TARS3: variants seen among roughly 807,000 people sequenced by gnomAD.
TARS3 encodes the protein threonyl-tRNA synthetase 3.
Under a neutral mutation model 103.5 loss-of-function variants are expected in TARS3, and 94 were observed. That is an observed-to-expected ratio of 0.91 (90% CI 0.77 to 1.08). The LOEUF is 1.08. Among genes scored for constraint, TARS3 ranks in the 50% least tolerant of loss-of-function variants. The pLI is 0.00. For missense variants in TARS3, 952 were observed against 995.2 expected, an observed-to-expected ratio of 0.96 and a Z score of 0.58; for synonymous variants, 416 against 355.4, an observed-to-expected ratio of 1.17 and a Z score of -1.92.
Position 101,724,290 on chromosome 15 carries a change from C to T in TARS3, c.98G>A (p.Arg33Lys). 6.4e-7 allele frequency: 1 copy of T among 1,573,940 alleles called. No individual in the cohort carries two copies. The highest frequency in any genetic ancestry group is 2.4e-5 in the East Asian group (1 of 41,940). Residue 33 changes from arginine (R) to lysine (K), a missense_variant, in exon 1 of 19, where the codon AGG becomes AAG. Arg to Lys is a conservative substitution (Grantham distance 26, BLOSUM62 2). This residue lies in a region of TARS3 where 412 missense variants were observed against 364.2 expected (regional missense o/e 1.13). Coordinates refer to ENST00000335968, the MANE Select transcript of TARS3 (RefSeq NM_152334.3). ...RWLWSEVERL[R>K]DEQLNAPYSC... ...GTAGGGCGCGTTCAGCTGCTCGTCC[C>T]TCAGGCGCTCGACCTCCGACCACAG...
At chr15:101,684,367 T>C in intron 11 of TARS3, 130 bp from the exon 12 acceptor site, 1 of 919,264 alleles carries the variant, frequency 1.1e-6, no homozygotes, top group Non-Finnish European at 1.5e-6. Flanking sequence ...GATCACCAGG[T>C]TAAAAAAAAA....
At chr15:101,654,867 C>G (rs1014914564) in intron 18 of TARS3, 137 bp from the exon 19 acceptor site, 9 of 829,444 alleles carry the variant, frequency 1.1e-5, no homozygotes, top group Non-Finnish European at 1.7e-5. Context: ...TTGGTTCATC[C>G]TCTGATAGTT....
At chr15:101,677,267 G>C (rs1264770969) in intron 12 of TARS3, among the ~76,000 whole-genome samples, 1 of 152,150 alleles carries the variant, frequency 6.6e-6, no homozygotes, top group Non-Finnish European at 1.5e-5. Context: ...CACCAATGTG[G>C]GTGGGCCTCA....
At chr15:101,701,920 C>T (rs969764720) in intron 9 of TARS3, among the ~76,000 whole-genome samples, 10 of 152,146 alleles carry the variant, frequency 6.6e-5, no homozygotes, top group African/African-American at 9.7e-5. Context: ...GGACTACAAG[C>T]GCGTGCTGCC....
At chr15:101,673,494 A>G (rs1312830379) in intron 13 of TARS3, among the ~76,000 whole-genome samples, 1 of 152,100 alleles carries the variant, frequency 6.6e-6, no homozygotes, top group African/African-American at 2.4e-5. Flanking sequence ...CATCACCACC[A>G]CCACCATCAC....
At chr15:101,691,370 C>T (rs1898716091) in intron 10 of TARS3, among the ~76,000 whole-genome samples, 1 of 151,946 alleles carries the variant, frequency 6.6e-6, no homozygotes, top group Non-Finnish European at 1.5e-5. Context: ...GCCTCTACCT[C>T]CTGGGTTCAA....
At chr15:101,698,382 A>T (rs1899089001) in intron 10 of TARS3, among the ~76,000 whole-genome samples, 1 of 150,518 alleles carries the variant, frequency 6.6e-6, no homozygotes, top group African/African-American at 2.5e-5. Context: ...TTTTTTTTTA[A>T]AAAAGAAAGC....
intron 16 of TARS3, among the ~76,000 whole-genome samples, chr15:101,659,367 T>A (rs773127569): frequency 6.6e-6 from 1 of 152,054 alleles, no homozygotes; most frequent in Non-Finnish European, 1.5e-5. Flanking sequence ...AAATACAGGG[T>A]ATATAATGGC....
chr15:101,695,392 C>T (rs1383793617), intron 10 of TARS3, among the ~76,000 whole-genome samples: 2 of 152,194 alleles, frequency 1.3e-5, no homozygotes, highest in Admixed American at 1.3e-4. Context: ...TAGTACGATG[C>T]TTTCGAGGTT....
At chr15:101,710,181 C>T (rs1252068690) in intron 5 of TARS3, among the ~76,000 whole-genome samples, 1 of 152,218 alleles carries the variant, frequency 6.6e-6, no homozygotes, top group African/African-American at 2.4e-5. Context: ...TTGTTGAACA[C>T]ATCCAGGTGC....
At chr15:101,701,285 T>TA in intron 9 of TARS3, 101 bp from the exon 10 acceptor site, 1 of 655,160 alleles carries the variant, frequency 1.5e-6, no homozygotes, top group Non-Finnish European at 2.5e-6. Context: ...TCTCTAGTAA[T>TA]AGACATTCCA....
chr15:101,659,051 C>T (rs1403113611), intron 16 of TARS3, among the ~76,000 whole-genome samples: 1 of 152,184 alleles, frequency 6.6e-6, no homozygotes, highest in African/African-American at 2.4e-5. Context: ...CTCGGCCTCC[C>T]AAAGGTTGGG....
intron 13 of TARS3, among the ~76,000 whole-genome samples, chr15:101,671,982 A>C (rs988712670): frequency 4.6e-5 from 7 of 152,198 alleles, no homozygotes; most frequent in African/African-American, 9.7e-5. Flanking sequence ...GATCATTTAT[A>C]AATTGTTCCA....
intron 9 of TARS3, among the ~76,000 whole-genome samples, chr15:101,701,583 A>G (rs1596316576): frequency 6.6e-6 from 1 of 152,282 alleles, no homozygotes; most frequent in East Asian, 1.9e-4. Flanking sequence ...TTCTGTCTTC[A>G]CAGCCACCCT....
chr15:101,724,087 T>G lies in TARS3; in HGVS notation c.297+4A>C. The G allele has an allele frequency of 7.4e-7, 1 of 1,358,536 alleles. No individual in the cohort carries two copies. Among genetic ancestry groups the G allele is most frequent in the South Asian group, 1.7e-5 (1 of 57,298 alleles). 84.2% of individuals were successfully genotyped at this position (1,358,536 alleles called of 1,614,324 possible). A position where few individuals can be genotyped will look rare whatever the true frequency, so the allele number is the denominator to read the frequency against. ...CCTCTCCAGTGTCCCCACCGCCCGG[T>G]TACCTGTGCGCCGGCCTCCTGCGCC... On this transcript the variant is annotated splice_donor_region_variant and intron_variant, in intron 1 of 18. Transcript: ENST00000335968.
chr15:101,703,107 A>G (rs531274932), intron 8 of TARS3, among the ~76,000 whole-genome samples: 9 of 152,328 alleles, frequency 5.9e-5, no homozygotes, highest in Non-Finnish European at 1.3e-4. Flanking sequence ...AAGCCAAGAA[A>G]GGCTGGGACT....
chr15:101,662,044 G>C (rs1015239806), intron 15 of TARS3, among the ~76,000 whole-genome samples: 4 of 152,060 alleles, frequency 2.6e-5, no homozygotes, highest in Admixed American at 2.0e-4. Context: ...CAAAAGTAGA[G>C]AGAAGAGTAT....
intron 16 of TARS3, among the ~76,000 whole-genome samples, chr15:101,658,562 C>A (rs918955617): frequency 6.6e-6 from 1 of 152,032 alleles, no homozygotes; most frequent in African/African-American, 2.4e-5. Context: ...CAGGAGGGAG[C>A]CTTACAAGTG....
chr15:101,656,785 T>A (rs1480165402), intron 18 of TARS3, 137 bp downstream of exon 18: 2 of 616,204 alleles, frequency 3.2e-6, no homozygotes, highest in East Asian at 5.6e-5. Flanking sequence ...AGGAATGCTA[T>A]GGACTCTTCC....
Sources: gnomAD v4.1 joint callset for allele counts (sites outside exome capture counted in the v4.1 genomes callset) on GRCh38, gnomAD v4.1.1 for gene constraint, gnomAD v4.1.1 regional missense constraint, MANE v1.5 for transcripts, NCBI Gene and HGNC (gene_info 2026-07-23, HGNC 2026-07-21) for gene names.